The following C12orf50 variants were observed in gnomAD, a reference collection of about 807,000 sequenced individuals.
C12orf50 encodes the protein zinc finger CCCH-type containing 11D, also known as uncharacterized protein C12orf50.
A neutral mutation model predicts 61.6 loss-of-function variants in C12orf50; 35 were observed. The observed-to-expected ratio is 0.57, with a 90% CI of 0.43 to 0.75. The LOEUF (loss-of-function observed/expected upper bound fraction) is 0.75, where lower values mean the gene tolerates loss of function less well. Among genes scored for constraint, C12orf50 ranks in the 30% least tolerant of loss-of-function variants. The probability of loss-of-function intolerance (pLI) is 0.00; values close to 1 mark genes in which losing one functional copy is unlikely to be tolerated. For synonymous variants in C12orf50, 178 were observed against 161.5 expected (o/e 1.10, Z -0.77); for missense variants, 475 against 488.5 (o/e 0.97, Z 0.26).
chr12:88,009,098 G>A (rs903958899), intron 3 of C12orf50, among the ~76,000 whole-genome samples: 16 of 151,918 alleles, frequency 1.1e-4, no homozygotes, highest in East Asian at 1.9e-4. Context: ...CTGCTGTTAC[G>A]TGCATTCTTG....
chr12:88,008,474 T>C (rs1448022151), intron 3 of C12orf50, among the ~76,000 whole-genome samples: 1 of 152,160 alleles, frequency 6.6e-6, no homozygotes, highest in Non-Finnish European at 1.5e-5. Flanking sequence ...TCTATCATTG[T>C]TGGGCATGTA....
At chr12:88,007,190 T>C (rs2031917976) in intron 3 of C12orf50, among the ~76,000 whole-genome samples, 2 of 152,190 alleles carry the variant, frequency 1.3e-5, no homozygotes. Context: ...AAAAAACCCA[T>C]AGATACAATT....
intron 3 of C12orf50, among the ~76,000 whole-genome samples, chr12:88,011,122 A>G (rs2032093278): frequency 6.6e-6 from 1 of 152,094 alleles, no homozygotes; most frequent in South Asian, 2.1e-4. Context: ...TCTGAAAGAC[A>G]TATTTTTTAT....
At chr12:87,987,143 A>G (rs1032737581) in intron 9 of C12orf50, among the ~76,000 whole-genome samples, 1 of 152,146 alleles carries the variant, frequency 6.6e-6, no homozygotes, top group Non-Finnish European at 1.5e-5. Flanking sequence ...AGTGTAGACT[A>G]CATTAGTTCT....
chr12:87,982,817 A>T (rs1406815434), intron 12 of C12orf50, among the ~76,000 whole-genome samples: 1 of 151,910 alleles, frequency 6.6e-6, no homozygotes, highest in African/African-American at 2.4e-5. Flanking sequence ...AAAAAAATGC[A>T]TCTTAACGTA....
chr12:88,016,487 G>T (rs1410178049), intron 3 of C12orf50, among the ~76,000 whole-genome samples: 1 of 152,166 alleles, frequency 6.6e-6, no homozygotes, highest in Non-Finnish European at 1.5e-5. Flanking sequence ...TATTACTTCT[G>T]AGGTATTGAA....
chr12:88,010,746 G>A (rs1443947798), intron 3 of C12orf50, among the ~76,000 whole-genome samples: 1 of 151,682 alleles, frequency 6.6e-6, no homozygotes, highest in African/African-American at 2.4e-5. Context: ...GAGATAGGAT[G>A]GGAAAGAGCA....
At chr12:87,988,794 A>T (rs928417530) in intron 8 of C12orf50, among the ~76,000 whole-genome samples, 6 of 152,140 alleles carry the variant, frequency 3.9e-5, no homozygotes, top group Non-Finnish European at 1.5e-5. Context: ...GAGAGATAAC[A>T]GCTGGTGGAT....
intron 3 of C12orf50, among the ~76,000 whole-genome samples, chr12:88,009,240 G>A (rs2032006514): frequency 6.6e-6 from 1 of 152,022 alleles, no homozygotes; most frequent in African/African-American, 2.4e-5. Context: ...GTTTTCCAAA[G>A]TACTCGTATC....
chr12:88,004,085 A>T (rs1159273222), intron 3 of C12orf50, among the ~76,000 whole-genome samples: 2 of 152,002 alleles, frequency 1.3e-5, no homozygotes, highest in African/African-American at 4.8e-5. Flanking sequence ...TTGTGTGTTC[A>T]ACTCCAAAAT....
chr12:88,001,527 T>C (rs1439611974), intron 3 of C12orf50, among the ~76,000 whole-genome samples: 1 of 146,656 alleles, frequency 6.8e-6, no homozygotes, highest in South Asian at 2.1e-4. Context: ...AAGTGTTGCA[T>C]CATCTTTTTT....
Position 87,986,353 on chromosome 12 carries a change from TA to T in C12orf50, c.880del (p.Tyr294MetfsTer25). 4 of 1,611,760 alleles carry T rather than the reference TA, an allele frequency of 2.5e-6. No homozygotes were observed. Among genetic ancestry groups the T allele is most frequent in the Non-Finnish European group, 3.4e-6 (4 of 1,179,056 alleles). ...FKGVKKRKWI[Y>X]DEPQNFPNSG... ...GTTAGGAAAGTTCTGTGGTTCATCATAAATCCATTTTCTTTTCTTCACACCT... is the reference window on the plus strand; with the variant it reads ...GTTAGGAAAGTTCTGTGGTTCATCATAATCCATTTTCTTTTCTTCACACCT... On this transcript the variant is annotated frameshift_variant, in exon 10 of 13. Coordinates refer to ENST00000298699, the MANE Select transcript of C12orf50 (RefSeq NM_152589.3). LOFTEE classifies it high-confidence loss of function.
chr12:88,022,179 G>T (rs1331625763), intron 3 of C12orf50, among the ~76,000 whole-genome samples: 1 of 151,586 alleles, frequency 6.6e-6, no homozygotes, highest in African/African-American at 2.4e-5. Flanking sequence ...GGGATGCAAG[G>T]TTGGTTCAAC....
At position 88,026,990 on chromosome 12, in the gene C12orf50, A is replaced by G; in HGVS notation, c.-28T>C. 1 of 1,614,014 alleles carries G rather than the reference A, an allele frequency of 6.2e-7. No homozygotes were observed. Among genetic ancestry groups the G allele is most frequent in the East Asian group, 2.2e-5 (1 of 44,860 alleles). On this transcript the variant is annotated 5_prime_UTR_variant, in exon 2 of 13. Transcript: ENST00000298699. ...GTCTAAATCTGCAAAGTGGATCTAAACATTTCCTCTCTCTCCATAATGAGC... is the reference window on the plus strand; with the variant it reads ...GTCTAAATCTGCAAAGTGGATCTAAGCATTTCCTCTCTCTCCATAATGAGC...
chr12:87,983,267 T>C (rs912497432), intron 11 of C12orf50, 72 bp from the exon 12 acceptor site: 1 of 967,748 alleles, frequency 1.0e-6, no homozygotes, highest in Non-Finnish European at 1.5e-6. Context: ...TTCAAAGTTA[T>C]AAACATCTCA....
At chr12:88,008,003 G>T (rs2031950737) in intron 3 of C12orf50, among the ~76,000 whole-genome samples, 1 of 151,400 alleles carries the variant, frequency 6.6e-6, no homozygotes, top group Non-Finnish European at 1.5e-5. Flanking sequence ...ATAAACTCAA[G>T]CATAAAAATA....
At position 88,027,010 on chromosome 12, in the gene C12orf50, A is replaced by G; in HGVS notation, c.-48T>C. The stretch of plus-strand genomic sequence containing the variant: ...TCTAAACATTTCCTCTCTCTCCATA[A>G]TGAGCACACAGTGTCACTGCCAAGG... On this transcript the variant is annotated 5_prime_UTR_variant, in exon 2 of 13. Coordinates refer to ENST00000298699, the MANE Select transcript of C12orf50 (RefSeq NM_152589.3). The G allele has an allele frequency of 6.2e-7, 1 of 1,613,950 alleles. No homozygotes were observed. Among genetic ancestry groups the G allele is most frequent in the Non-Finnish European group, 8.5e-7 (1 of 1,179,924 alleles).
At chr12:88,021,134 A>G (rs2032501534) in intron 3 of C12orf50, among the ~76,000 whole-genome samples, 1 of 152,194 alleles carries the variant, frequency 6.6e-6, no homozygotes, top group African/African-American at 2.4e-5. Flanking sequence ...TAGAGAAGTA[A>G]GAGAAAACCA....
In C12orf50 at chr12:87,996,615, T is replaced by C. The variant is rs1250505188; in HGVS notation, c.321A>G (p.Glu107=). 1.2e-6 allele frequency: 2 copies of C among 1,609,956 alleles called. No individual in the cohort carries two copies. Among genetic ancestry groups the C allele is most frequent in the Admixed American group, 1.7e-5 (1 of 59,962 alleles). Residue 107 remains glutamate (E), a synonymous_variant, in exon 5 of 13, where the codon GAA becomes GAG. Coordinates refer to ENST00000298699, the MANE Select transcript of C12orf50 (RefSeq NM_152589.3). ...DASSLWTKTP[E]EIEEKRAIKE... is the part of the protein sequence containing the mutation. ...TTATTGCTCTTTTTTCTTCAATTTC[T>C]TCAGGGGTCTTTGTCCATAAACTAG...
Sources: allele counts gnomAD v4.1 joint callset (sites outside exome capture counted in the v4.1 genomes callset), GRCh38; gene constraint gnomAD v4.1.1; transcripts MANE v1.5; gene names NCBI Gene and HGNC (gene_info 2026-07-23, HGNC 2026-07-21).